SH3RF3: variants seen among roughly 807,000 people sequenced by gnomAD.
SH3RF3 encodes the protein SH3 domain containing ring finger 3, also known as E3 ubiquitin-protein ligase SH3RF3.
In SH3RF3, 29 loss-of-function variants were observed where a neutral mutation model predicts 66.3. The observed-to-expected ratio is 0.44, with a 90% confidence interval of 0.33 to 0.60. The LOEUF (loss-of-function observed/expected upper bound fraction) is 0.60. SH3RF3 is among the 20% of genes least tolerant of loss of function. The pLI, the probability that SH3RF3 is intolerant of heterozygous loss-of-function variation, is 0.04. For missense variants in SH3RF3, 1,194 were observed against 1,190.9 expected, an observed-to-expected ratio of 1.00 and a Z score of -0.04; for synonymous variants, 583 against 532.0, an observed-to-expected ratio of 1.10 and a Z score of -1.32.
chr2:109,452,049 C>T (rs1677888297), intron 8 of SH3RF3, among the ~76,000 whole-genome samples: 1 of 152,272 alleles, frequency 6.6e-6, no homozygotes, highest in Admixed American at 6.5e-5. Context: ...AAGACAAGCA[C>T]TGGTCTACAA....
intron 8 of SH3RF3, among the ~76,000 whole-genome samples, chr2:109,469,165 A>T (rs796124983): frequency 1.2e-4 from 18 of 152,312 alleles, no homozygotes; most frequent in African/African-American, 4.3e-4. Flanking sequence ...CCCCTGCAGC[A>T]TTCCACAGCC....
intron 1 of SH3RF3, among the ~76,000 whole-genome samples, chr2:109,249,431 C>T (rs1039539994): frequency 6.6e-6 from 1 of 152,106 alleles, no homozygotes; most frequent in Non-Finnish European, 1.5e-5. Context: ...AGGAACCCTT[C>T]CCTCCTGCAC....
intron 1 of SH3RF3, among the ~76,000 whole-genome samples, chr2:109,190,610 A>C (rs11903987): frequency 0.82 from 124,496 of 152,186 alleles, 51,056 homozygotes; most frequent in East Asian, 0.89. Flanking sequence ...TCCCATTGCA[A>C]CTAATTATAT....
At chr2:109,273,247 G>C (rs552664546) in intron 1 of SH3RF3, among the ~76,000 whole-genome samples, 5 of 152,360 alleles carry the variant, frequency 3.3e-5, no homozygotes, top group African/African-American at 1.2e-4. Flanking sequence ...TGCCTGCCAG[G>C]CTGGGAAGGC....
At chr2:109,280,892 G>C (rs931672223) in intron 1 of SH3RF3, among the ~76,000 whole-genome samples, 5 of 152,328 alleles carry the variant, frequency 3.3e-5, no homozygotes, top group Non-Finnish European at 2.9e-5. Context: ...GCAGAAGTGG[G>C]TGCATTATCC....
At chr2:109,135,769 A>C (rs1024825041) in intron 1 of SH3RF3, among the ~76,000 whole-genome samples, 1 of 152,158 alleles carries the variant, frequency 6.6e-6, no homozygotes, top group Non-Finnish European at 1.5e-5. Context: ...CTGGGCATCT[A>C]TGCGGAGTAG....
chr2:109,374,847 T>C (rs1683346458), intron 3 of SH3RF3, among the ~76,000 whole-genome samples: 1 of 152,186 alleles, frequency 6.6e-6, no homozygotes, highest in Non-Finnish European at 1.5e-5. Context: ...TGGCCTCAGC[T>C]TCCCATCAGC....
intron 1 of SH3RF3, among the ~76,000 whole-genome samples, chr2:109,248,400 TCA>T (rs1679971868): frequency 6.6e-6 from 1 of 152,234 alleles, no homozygotes; most frequent in Non-Finnish European, 1.5e-5. Flanking sequence ...GTTATCGCTC[TCA>T]TTTTTTTCCT....
intron 6 of SH3RF3, among the ~76,000 whole-genome samples, chr2:109,435,463 C>T (rs1011056481): frequency 6.6e-6 from 1 of 152,208 alleles, no homozygotes; most frequent in South Asian, 2.1e-4. Context: ...GTGTTTGCCC[C>T]CATCGTGCTA....
intron 5 of SH3RF3, among the ~76,000 whole-genome samples, chr2:109,429,938 G>A (rs528636453): frequency 5.3e-5 from 8 of 152,278 alleles, no homozygotes; most frequent in African/African-American, 1.7e-4. Flanking sequence ...GGGTGTAGCC[G>A]CAGCCAATCC....
intron 1 of SH3RF3, among the ~76,000 whole-genome samples, chr2:109,144,232 T>C (rs1400810018): frequency 2.0e-5 from 3 of 152,262 alleles, no homozygotes; most frequent in Admixed American, 6.5e-5. Context: ...CGTGAGGTGA[T>C]AGATATATAT....
chr2:109,404,372 G>A (rs1422475654), intron 4 of SH3RF3, among the ~76,000 whole-genome samples: 6 of 152,230 alleles, frequency 3.9e-5, no homozygotes, highest in African/African-American at 1.4e-4. Context: ...GTGGGGTGCC[G>A]ATGCAGAACA....
intron 1 of SH3RF3, among the ~76,000 whole-genome samples, chr2:109,225,417 G>A (rs1313011379): frequency 6.6e-6 from 1 of 152,174 alleles, no homozygotes; most frequent in Non-Finnish European, 1.5e-5. Context: ...ACGTTAACAG[G>A]TTTCACAACG....
At chr2:109,150,914 A>G in intron 1 of SH3RF3, among the ~76,000 whole-genome samples, 1 of 152,240 alleles carries the variant, frequency 6.6e-6, no homozygotes, top group East Asian at 1.9e-4. Flanking sequence ...GGCTGAACAT[A>G]AAGAGCATTC....
At chr2:109,471,539 T>G (rs1325796123) in intron 8 of SH3RF3, among the ~76,000 whole-genome samples, 1 of 152,186 alleles carries the variant, frequency 6.6e-6, no homozygotes, top group Non-Finnish European at 1.5e-5. Context: ...AGATGAGATT[T>G]GAGTGGGGAC....
intron 1 of SH3RF3, among the ~76,000 whole-genome samples, chr2:109,298,040 G>A (rs770615194): frequency 3.3e-5 from 5 of 152,180 alleles, no homozygotes; most frequent in African/African-American, 4.8e-5. Context: ...TGCAGTGTGG[G>A]AACGTACCCT....
At chr2:109,330,978 G>A (rs1682269097) in intron 1 of SH3RF3, among the ~76,000 whole-genome samples, 1 of 152,218 alleles carries the variant, frequency 6.6e-6, no homozygotes, top group East Asian at 1.9e-4. Flanking sequence ...GTTGTGCCAT[G>A]CATTAGTTCA....
rs960833720 is a variant in SH3RF3, at chr2:109,314,119, C to T, written c.574-33555C>T. 2.6e-5 allele frequency among the ~76,000 whole-genome samples: 4 copies of T among 152,040 alleles called. No homozygotes were observed. The South Asian group carries it at 6.3e-4, about 24-fold the overall frequency. On this transcript the variant is annotated intron_variant, in intron 1 of 9. Transcript: ENST00000309415. Reference sequence around the variant, plus strand: ...TGGGGGACACAGTAGCGGAAAGCAGCAGGCCTGGGCAGTCACCTAACTGCA... The same window carrying T: ...TGGGGGACACAGTAGCGGAAAGCAGTAGGCCTGGGCAGTCACCTAACTGCA...
chr2:109,342,471 C>T (rs1682576409), intron 1 of SH3RF3, among the ~76,000 whole-genome samples: 1 of 152,194 alleles, frequency 6.6e-6, no homozygotes, highest in South Asian at 2.1e-4. Context: ...GAAGGGGGCC[C>T]TCCATTGAAA....
Sources: allele counts gnomAD v4.1 joint callset (sites outside exome capture counted in the v4.1 genomes callset), GRCh38; gene constraint gnomAD v4.1.1; transcripts MANE v1.5; gene names NCBI Gene and HGNC (gene_info 2026-07-23, HGNC 2026-07-21).